Variants in MIB1 observed in about 807,000 individuals in gnomAD.
MIB1 encodes MIB E3 ubiquitin protein ligase 1.
MIB1 carries 278 observed loss-of-function variants against 124.5 expected under a neutral mutation model. That is an observed-to-expected ratio of 2.23 (90% CI 2.02 to 2.47). The LOEUF (loss-of-function observed/expected upper bound fraction) is 2.47. MIB1 is among the 30% of genes most tolerant of loss of function. MIB1 has a pLI of 0.00. For missense variants in MIB1, 957 were observed against 1,254.4 expected (o/e 0.76, Z 3.58); for synonymous variants, 446 against 429.4 (o/e 1.04, Z -0.48).
intron 6 of MIB1, among the ~76,000 whole-genome samples, chr18:21,781,417 A>ATT: frequency 9.5e-6 from 1 of 105,250 alleles, no homozygotes; most frequent in South Asian, 2.9e-4. Context: ...ATATATATAA[A>ATT]ATTATTATTA....
In MIB1 at chr18:21,768,761, T is replaced by A. The variant is rs1175179209; in HGVS notation, c.531+9T>A. 2 of 1,604,316 alleles carry A rather than the reference T, an allele frequency of 1.2e-6. No homozygotes were observed. Among genetic ancestry groups the A allele is most frequent in the South Asian group, 2.2e-5 (2 of 89,486 alleles). On this transcript the variant is annotated intron_variant, in intron 3 of 20. Transcript: ENST00000261537. Reference sequence around the variant, plus strand: ...ATGGACGTAGGGGAAAGGTACAGTGTTTCTCTGAATTCATTATGTATTCTA... The same window carrying A: ...ATGGACGTAGGGGAAAGGTACAGTGATTCTCTGAATTCATTATGTATTCTA...
chr18:21,807,100 T>C (rs1039071837), intron 10 of MIB1, among the ~76,000 whole-genome samples: 1 of 152,146 alleles, frequency 6.6e-6, no homozygotes, highest in Non-Finnish European at 1.5e-5. Flanking sequence ...AGTTTCCCAA[T>C]TGGTAAAGGA....
intron 7 of MIB1, chr18:21,794,118 C>G (rs1231162787): frequency 1.3e-5 from 2 of 151,896 alleles, no homozygotes; most frequent in Non-Finnish European, 2.9e-5. Context: ...CTGTGAATAG[C>G]CACTGCACTT....
chr18:21,784,386 T>C (rs905054796), intron 6 of MIB1, among the ~76,000 whole-genome samples: 6 of 152,184 alleles, frequency 3.9e-5, no homozygotes. Context: ...ATACGTTTTT[T>C]CTTCTTGGTT....
chr18:21,864,523 C>A lies in MIB1; in HGVS notation c.2881-3C>A. 1 of 1,607,516 alleles carries A rather than the reference C, an allele frequency of 6.2e-7. No individual in the cohort carries two copies. Among genetic ancestry groups the A allele is most frequent in the Non-Finnish European group, 8.5e-7 (1 of 1,174,908 alleles). On this transcript the variant is annotated splice_polypyrimidine_tract_variant and splice_region_variant and intron_variant, in intron 20 of 20. Coordinates refer to ENST00000261537, the MANE Select transcript of MIB1 (RefSeq NM_020774.4). Reference sequence around the variant, plus strand: ...TTTATTACTTTGTTATCTCACATTACAGACAATGTGCCCTGTGTGTCTAGA... The same window carrying A: ...TTTATTACTTTGTTATCTCACATTAAAGACAATGTGCCCTGTGTGTCTAGA...
At chr18:21,777,988 G>T in intron 4 of MIB1, 115 bp from the exon 5 acceptor site, 2 of 712,508 alleles carry the variant, frequency 2.8e-6, no homozygotes, top group Non-Finnish European at 2.5e-6. Context: ...TGTTGACCTA[G>T]ACTGTTCTTG....
intron 15 of MIB1, among the ~76,000 whole-genome samples, chr18:21,846,713 GGT>G (rs2042137466): frequency 6.6e-6 from 1 of 152,152 alleles, no homozygotes; most frequent in South Asian, 2.1e-4. Flanking sequence ...GTATCTGACT[GGT>G]TTGGGCCATG....
At chr18:21,858,475 ATATTT>A (rs772364620) in intron 19 of MIB1, 66 bp from the exon 20 acceptor site, 12 of 756,798 alleles carry the variant, frequency 1.6e-5, no homozygotes, top group Middle Eastern at 3.7e-4. Context: ...CAAAACAGTA[ATATTT>A]TATTTTATAA....
intron 12 of MIB1, chr18:21,829,074 G>A (rs1170647619): frequency 4.3e-6 from 2 of 470,022 alleles, no homozygotes; most frequent in Admixed American, 4.8e-5. Context: ...AAAGAAGTAT[G>A]TACTCTGAGT....
At chr18:21,720,769 G>C (rs2040710843) in intron 1 of MIB1, among the ~76,000 whole-genome samples, 1 of 152,022 alleles carries the variant, frequency 6.6e-6, no homozygotes, top group Admixed American at 6.6e-5. Context: ...GGGAACAGAG[G>C]GGGACCCCGT....
At chr18:21,798,564 C>T (rs1383563857) in intron 8 of MIB1, among the ~76,000 whole-genome samples, 1 of 152,058 alleles carries the variant, frequency 6.6e-6, no homozygotes, top group Non-Finnish European at 1.5e-5. Context: ...TGTTTTCTGC[C>T]AAAGAACCAT....
At chr18:21,709,315 CAAAAAAA>C (rs10711398) in intron 1 of MIB1, among the ~76,000 whole-genome samples, 1 of 80,044 alleles carries the variant, frequency 1.2e-5, no homozygotes, top group Non-Finnish European at 2.5e-5. Flanking sequence ...GAGACTGTCT[CAAAAAAA>C]AAAAAAAAAA....
chr18:21,745,432 T>G (rs2040900337), intron 1 of MIB1, among the ~76,000 whole-genome samples: 1 of 152,156 alleles, frequency 6.6e-6, no homozygotes, highest in African/African-American at 2.4e-5. Flanking sequence ...CTCCAGACAT[T>G]GCCAGATGTC....
intron 1 of MIB1, among the ~76,000 whole-genome samples, chr18:21,705,749 G>T (rs1461831590): frequency 1.3e-5 from 2 of 152,144 alleles, no homozygotes; most frequent in Non-Finnish European, 2.9e-5. Flanking sequence ...GCTCCGATTT[G>T]GTCATTGCAA....
intron 1 of MIB1, among the ~76,000 whole-genome samples, chr18:21,746,982 A>G (rs776825759): frequency 7.2e-5 from 11 of 152,178 alleles, no homozygotes; most frequent in Non-Finnish European, 1.6e-4. Flanking sequence ...AGAGTCCCCT[A>G]TTCTGATCTG....
chr18:21,831,827 G>T (rs1385202251), intron 12 of MIB1, among the ~76,000 whole-genome samples: 1 of 152,156 alleles, frequency 6.6e-6, no homozygotes, highest in Non-Finnish European at 1.5e-5. Context: ...ACCATGGCTA[G>T]TAGCAAGACA....
chr18:21,795,287 G>GTA (rs1052020013), intron 7 of MIB1, among the ~76,000 whole-genome samples: 4 of 132,034 alleles, frequency 3.0e-5, no homozygotes, highest in Non-Finnish European at 4.7e-5. Context: ...AAATATATAT[G>GTA]TATATATATA....
At chr18:21,821,401 G>C (rs543458353) in intron 12 of MIB1, among the ~76,000 whole-genome samples, 1 of 151,910 alleles carries the variant, frequency 6.6e-6, no homozygotes, top group Non-Finnish European at 1.5e-5. Context: ...AGCCCGCTTT[G>C]CCCATCGTCT....
intron 20 of MIB1, among the ~76,000 whole-genome samples, chr18:21,860,864 GTC>G (rs2042270518): frequency 6.6e-6 from 1 of 152,078 alleles, no homozygotes; most frequent in African/African-American, 2.4e-5. Context: ...ACAAGACCCT[GTC>G]TCTACAAAAA....
Sources: allele counts gnomAD v4.1 joint callset (sites outside exome capture counted in the v4.1 genomes callset), GRCh38; gene constraint gnomAD v4.1.1; transcripts MANE v1.5; gene names NCBI Gene and HGNC (gene_info 2026-07-23, HGNC 2026-07-21).